The following LINGO2 variants were observed in gnomAD, a reference collection of about 807,000 sequenced individuals.
The protein encoded by LINGO2 is leucine rich repeat and Ig domain containing 2.
In LINGO2, 14 loss-of-function variants were observed where a neutral mutation model predicts 30.6. That is an observed-to-expected ratio of 0.46 (90% confidence interval 0.30 to 0.72). The LOEUF is 0.72. Ranked by LOEUF, LINGO2 falls within the 30% of genes least tolerant of loss-of-function variation. The probability of loss-of-function intolerance (pLI) is 0.07; values close to 1 mark genes in which losing one functional copy is unlikely to be tolerated. For missense variants in LINGO2, 729 were observed against 751.7 expected (o/e 0.97, Z 0.35); for synonymous variants, 317 against 288.5 (o/e 1.10, Z -1.00).
chr9:29,054,788 T>C, the LINGO2 span, among the ~76,000 whole-genome samples: 1 of 152,110 alleles, frequency 6.6e-6, no homozygotes, highest in African/African-American at 2.4e-5. Context: ...ATATTTAAAA[T>C]AAATCAAAAT....
At chr9:29,189,936 G>A in the LINGO2 span, among the ~76,000 whole-genome samples, 1 of 151,178 alleles carries the variant, frequency 6.6e-6, no homozygotes, top group South Asian at 2.1e-4. Flanking sequence ...CAGGCAGGGA[G>A]GTTGCAGTGA....
chr9:29,025,802 C>A, the LINGO2 span, among the ~76,000 whole-genome samples: 5 of 152,118 alleles, frequency 3.3e-5, no homozygotes, highest in African/African-American at 4.8e-5. Flanking sequence ...ACATCTCCCC[C>A]CTCTACCCTT....
downstream of LINGO2, chr9:27,944,437 A>C (rs958822940): frequency 6.6e-6 from 1 of 152,162 alleles, no homozygotes. Flanking sequence ...GAAGGTGAAA[A>C]GGGGAGCATC....
intron 4 of LINGO2, among the ~76,000 whole-genome samples, chr9:28,067,077 T>A (rs979167878): frequency 6.6e-6 from 1 of 152,164 alleles, no homozygotes; most frequent in Admixed American, 6.6e-5. Flanking sequence ...ATATGAACTC[T>A]GGTCCTCTTA....
chr9:29,125,970 T>A, the LINGO2 span, among the ~76,000 whole-genome samples: 7 of 152,272 alleles, frequency 4.6e-5, no homozygotes, highest in Non-Finnish European at 5.9e-5. Context: ...CACTTATTTG[T>A]CTGATTCAAT....
chr9:29,039,785 C>T, the LINGO2 span, among the ~76,000 whole-genome samples: 1 of 152,090 alleles, frequency 6.6e-6, no homozygotes, highest in African/African-American at 2.4e-5. Flanking sequence ...GAGGTGCCCA[C>T]CACTGATCCA....
At chr9:28,984,797 A>G in the LINGO2 span, among the ~76,000 whole-genome samples, 1 of 152,170 alleles carries the variant, frequency 6.6e-6, no homozygotes, top group Non-Finnish European at 1.5e-5. Context: ...TCATTCATGA[A>G]TACAATGTGG....
At chr9:28,948,440 TATAAATTTGCC>T in the LINGO2 span, among the ~76,000 whole-genome samples, 2 of 152,130 alleles carry the variant, frequency 1.3e-5, no homozygotes, top group Non-Finnish European at 1.5e-5. Flanking sequence ...TTTATAAATC[TATAAATTTGCC>T]ATTTATAAAT....
the LINGO2 span, among the ~76,000 whole-genome samples, chr9:28,745,075 G>A: frequency 5.7e-3 from 874 of 152,078 alleles, 16 homozygotes; most frequent in African/African-American, 0.02. Context: ...ATTTATCCTT[G>A]CCCATGTTCA....
chr9:27,966,855 T>TGCCTAC (rs2118684260), intron 5 of LINGO2, among the ~76,000 whole-genome samples: 1 of 152,280 alleles, frequency 6.6e-6, no homozygotes, highest in African/African-American at 2.4e-5. Flanking sequence ...ATAGAACGTG[T>TGCCTAC]GCCTACGGAG....
the LINGO2 span, among the ~76,000 whole-genome samples, chr9:28,883,027 C>T: frequency 0.022 from 3,419 of 152,226 alleles, 135 homozygotes; most frequent in African/African-American, 0.078. Context: ...CCAATTCAAA[C>T]ACATCAACAA....
the LINGO2 span, among the ~76,000 whole-genome samples, chr9:29,030,444 G>A: frequency 1.3e-5 from 2 of 152,034 alleles, no homozygotes; most frequent in South Asian, 2.1e-4. Context: ...GTCATATTTC[G>A]GTTCCATGAT....
chr9:29,030,622 T>C, the LINGO2 span, among the ~76,000 whole-genome samples: 2 of 152,210 alleles, frequency 1.3e-5, no homozygotes, highest in African/African-American at 4.8e-5. Flanking sequence ...GTTTTCATGA[T>C]GAGATTCTTC....
chr9:28,458,796 C>A (rs1824954649), intron 2 of LINGO2, among the ~76,000 whole-genome samples: 1 of 152,102 alleles, frequency 6.6e-6, no homozygotes, highest in South Asian at 2.1e-4. Flanking sequence ...TGAAGGTCTG[C>A]CCTGGCTACA....
At chr9:28,563,768 T>C (rs936132398) in intron 1 of LINGO2, among the ~76,000 whole-genome samples, 3 of 152,148 alleles carry the variant, frequency 2.0e-5, no homozygotes, top group African/African-American at 7.2e-5. Context: ...ATCAGACATT[T>C]TGGCTAACAT....
At chr9:28,022,301 T>C (rs1299284367) in intron 4 of LINGO2, among the ~76,000 whole-genome samples, 2 of 152,122 alleles carry the variant, frequency 1.3e-5, no homozygotes, top group Admixed American at 6.5e-5. Flanking sequence ...TCCTATCTTC[T>C]ATAATCACTC....
chr9:28,946,249 A>G, the LINGO2 span, among the ~76,000 whole-genome samples: 1 of 152,160 alleles, frequency 6.6e-6, no homozygotes. Context: ...AGAAGCAAAT[A>G]TAGGGTTACT....
At chr9:28,426,537 G>T (rs1823420884) in intron 2 of LINGO2, among the ~76,000 whole-genome samples, 1 of 152,066 alleles carries the variant, frequency 6.6e-6, no homozygotes, top group Non-Finnish European at 1.5e-5. Flanking sequence ...TCAAAACATT[G>T]TTTGTTTTGT....
intron 2 of LINGO2, among the ~76,000 whole-genome samples, chr9:28,408,163 T>G (rs2134788718): frequency 6.6e-6 from 1 of 152,262 alleles, no homozygotes; most frequent in African/African-American, 2.4e-5. Context: ...AGTCAGTAAC[T>G]TACAAGGTAC....
Sources: allele counts gnomAD v4.1 joint callset (sites outside exome capture counted in the v4.1 genomes callset), GRCh38; gene constraint gnomAD v4.1.1; transcripts MANE v1.5; gene names NCBI Gene and HGNC (gene_info 2026-07-23, HGNC 2026-07-21).